SLC5A9: variants seen among roughly 807,000 people sequenced by gnomAD.
SLC5A9 encodes solute carrier family 5 member 9.
A neutral mutation model predicts 70.9 loss-of-function variants in SLC5A9; 59 were observed. The ratio of observed to expected loss-of-function variants is 0.83; its 90% CI spans 0.68 to 1.03. The LOEUF (loss-of-function observed/expected upper bound fraction) is 1.03, where lower values mean the gene tolerates loss of function less well. Ranked by LOEUF, SLC5A9 falls within the 50% of genes least tolerant of loss-of-function variation. SLC5A9 has a pLI of 0.00. For synonymous variants in SLC5A9, 340 were observed against 346.5 expected (o/e 0.98, Z 0.21); for missense variants, 832 against 881.1 (o/e 0.94, Z 0.71).
intron 5 of SLC5A9, among the ~76,000 whole-genome samples, chr1:48,231,040 A>C (rs139806261): frequency 3.3e-5 from 5 of 152,214 alleles, no homozygotes; most frequent in Middle Eastern, 3.4e-3. Context: ...AGAGAGGAGG[A>C]CTATGACCCA....
chr1:48,225,864 G>A (rs374109617), intron 2 of SLC5A9, among the ~76,000 whole-genome samples: 2 of 151,728 alleles, frequency 1.3e-5, no homozygotes, highest in Non-Finnish European at 2.9e-5. Context: ...ATACTTACAC[G>A]TGCACACTCA....
rs759358818 is a variant in SLC5A9, at chr1:48,224,815, C to T, written c.234+20C>T. On this transcript the variant is annotated intron_variant, in intron 2 of 13. Transcript: ENST00000438567. ...TGGCCAGTGAGTTGACCCTTCTCAA[C>T]CACCCCTAGTGCAGAGGCTCCCAAC... 2.5e-6 allele frequency: 4 copies of T among 1,612,600 alleles called. No homozygotes were observed. The highest frequency in any genetic ancestry group is 1.3e-5 in the African/African-American group (1 of 74,880).
chr1:48,229,551 C>T, intron 4 of SLC5A9, 92 bp downstream of exon 4: 3 of 1,548,160 alleles, frequency 1.9e-6, no homozygotes, highest in Non-Finnish European at 2.6e-6. Context: ...TGAGGGGAAG[C>T]TGACAATCAC....
rs1036799147 is a variant in SLC5A9, at chr1:48,248,178, C to G, written c.*635C>G. ...AGAAAGCTCTTAGACAATGGACTAT[C>G]CAAAGCACTATTTAAATTCTGCCTC... On this transcript the variant is annotated 3_prime_UTR_variant, in exon 14 of 14. Coordinates refer to ENST00000438567, the MANE Select transcript of SLC5A9 (RefSeq NM_001011547.3). 6.5e-6 allele frequency: 1 copy of G among 153,992 alleles called. No homozygotes were observed. The highest frequency in any genetic ancestry group is 2.4e-5 in the African/African-American group (1 of 41,448). The allele number at this position is 153,992 out of a possible 1,614,324, so 9.5% of individuals were successfully genotyped here. A position where few individuals can be genotyped will look rare whatever the true frequency, so the allele number is the denominator to read the frequency against.
At position 48,233,478 on chromosome 1, in the gene SLC5A9, G is replaced by A. The variant is rs74675913; in HGVS notation, c.1034-177G>A. Among the ~76,000 whole-genome samples, 411 of 150,396 alleles carry A rather than the reference G, an allele frequency of 2.7e-3. 3 individuals are homozygous for A. The highest frequency in any genetic ancestry group is 9.6e-3 in the African/African-American group (394 of 40,984). ...AGAAAAAATGTGAATCAGGTAATAA[G>A]TATACGGACGAGAAATTTACCAAAG... On this transcript the variant is annotated intron_variant, in intron 8 of 13. Transcript: ENST00000438567.
chr1:48,232,530 T>C, intron 8 of SLC5A9, 28 bp downstream of exon 8: 1 of 1,612,982 alleles, frequency 6.2e-7, no homozygotes, highest in Non-Finnish European at 8.5e-7. Flanking sequence ...TCTCTGGGTA[T>C]TGGGATCTGA....
At chr1:48,224,236 A>G (rs1644111951) in intron 1 of SLC5A9, among the ~76,000 whole-genome samples, 1 of 151,902 alleles carries the variant, frequency 6.6e-6, no homozygotes, top group South Asian at 2.1e-4. Flanking sequence ...GGGAAACTCC[A>G]AAACAGTACC....
intron 12 of SLC5A9, 90 bp from the exon 13 acceptor site, chr1:48,242,367 C>T: frequency 6.9e-7 from 1 of 1,454,948 alleles, no homozygotes. Flanking sequence ...TTTGCTTTTG[C>T]TCAGATGGCC....
chr1:48,238,903 C>T (rs1644360894), intron 11 of SLC5A9, among the ~76,000 whole-genome samples: 1 of 152,186 alleles, frequency 6.6e-6, no homozygotes, highest in Admixed American at 6.5e-5. Flanking sequence ...TTTATCATGA[C>T]AGAAGTTTGG....
rs767269585 is a variant in SLC5A9 at position 48,247,328 on chromosome 1, C to T, written c.1838-7C>T. Reference sequence around the variant, plus strand: ...CTCTCCTTTGTCTTCTGGCTTTGTCCCTCCAGCCCCAAGCAGGTCCTGGGG... The same window carrying T: ...CTCTCCTTTGTCTTCTGGCTTTGTCTCTCCAGCCCCAAGCAGGTCCTGGGG... On this transcript the variant is annotated splice_region_variant and splice_polypyrimidine_tract_variant and intron_variant, in intron 13 of 13. Coordinates refer to ENST00000438567, the MANE Select transcript of SLC5A9 (RefSeq NM_001011547.3). 1 of 1,613,000 alleles carries T rather than the reference C, an allele frequency of 6.2e-7. No individual in the cohort carries two copies. Among genetic ancestry groups the T allele is most frequent in the South Asian group, 1.1e-5 (1 of 91,034 alleles).
chr1:48,237,719 A>C lies in SLC5A9; in HGVS notation c.1333A>C (p.Ile445Leu), dbSNP rs534099478. The C allele has an allele frequency of 9.9e-6, 16 of 1,613,968 alleles. No individual in the cohort carries two copies. In the African/African-American group the frequency reaches 1.5e-4, roughly 15 times the overall value. ...CCTGGTTGTCATCAGCATCCTCTGG[A>C]TCCCCATCATCCAAAGCTCCAACAG... ...VFLVVISILWIPIIQSSNSGQ... is the reference protein window; with the variant it reads ...VFLVVISILWLPIIQSSNSGQ... The change falls in exon 11 of 14, where the codon ATC (isoleucine) becomes CTC (leucine). Residue 445 changes from isoleucine (I) to leucine (L), a missense_variant. Ile to Leu is a conservative substitution (Grantham distance 5). Coordinates refer to ENST00000438567, the MANE Select transcript of SLC5A9 (RefSeq NM_001011547.3).
Position 48,248,291 on chromosome 1 carries a change from T to C in SLC5A9, c.*748T>C, listed in dbSNP as rs1644481323. 6.6e-6 allele frequency: 1 copy of C among 152,342 alleles called. No homozygotes were observed. The highest frequency in any genetic ancestry group is 2.4e-5 in the African/African-American group (1 of 41,454). The allele number at this position is 152,342 out of a possible 1,614,324, so 9.4% of individuals were successfully genotyped here. A position where few individuals can be genotyped will look rare whatever the true frequency, so the allele number is the denominator to read the frequency against. ...CATGACTTGTTAAAACCTCAAGGAA[T>C]CAAGACATGTTACTCTGTATTTAAG... On this transcript the variant is annotated 3_prime_UTR_variant, in exon 14 of 14. Transcript: ENST00000438567.
chr1:48,227,639 A>G (rs11800306), intron 2 of SLC5A9, among the ~76,000 whole-genome samples: 1 of 151,542 alleles, frequency 6.6e-6, no homozygotes, highest in Non-Finnish European at 1.5e-5. Flanking sequence ...GTGTGTGTGT[A>G]CTGTGCCTGT....
chr1:48,237,715 C>G lies in SLC5A9; in HGVS notation c.1329C>G (p.Leu443=), dbSNP rs753613954. ...FVVFLVVISI[L]WIPIIQSSNS... is the part of the protein sequence containing the mutation. ...TGTTCCTGGTTGTCATCAGCATCCT[C>G]TGGATCCCCATCATCCAAAGCTCCA... Residue 443 remains leucine, a synonymous_variant, in exon 11 of 14, where the codon CTC becomes CTG. Transcript: ENST00000438567. 1.8e-5 allele frequency: 29 copies of G among 1,614,020 alleles called. No homozygotes were observed. The highest frequency in any genetic ancestry group is 2.2e-5 in the East Asian group (1 of 44,890).
At chr1:48,235,928 C>A (rs768502219) in intron 10 of SLC5A9, 49 bp downstream of exon 10, 2 of 1,610,536 alleles carry the variant, frequency 1.2e-6, no homozygotes, top group East Asian at 2.2e-5. Context: ...CTCCCCTCTG[C>A]CCTGCCCTGG....
intron 4 of SLC5A9, 82 bp downstream of exon 4, chr1:48,229,541 T>C: frequency 6.4e-7 from 1 of 1,563,124 alleles, no homozygotes; most frequent in Non-Finnish European, 8.7e-7. Context: ...TGCGTGTTGC[T>C]GAGGGGAAGC....
At position 48,228,859 on chromosome 1, in the gene SLC5A9, T is replaced by A; in HGVS notation, c.244T>A (p.Ser82Thr). The A allele has an allele frequency of 6.2e-7, 1 of 1,613,806 alleles. No individual in the cohort carries two copies. Among genetic ancestry groups the A allele is most frequent in the Non-Finnish European group, 8.5e-7 (1 of 1,179,916 alleles). Residue 82 changes from serine (S) to threonine (T), a missense_variant, in exon 3 of 14, where the codon TCT becomes ACT. By Grantham distance (58) the Ser-to-Thr change is moderately conservative. Transcript: ENST00000438567. ...RSMSWWPIGA[S>T]LMSSNVGSGL... The stretch of plus-strand genomic sequence containing the variant: ...CAACTGTGCCTTGCAGATTGGAGCA[T>A]CTCTGATGTCCAGCAATGTGGGCAG...
At chr1:48,244,718 A>C (rs1273079161) in intron 13 of SLC5A9, among the ~76,000 whole-genome samples, 1 of 131,852 alleles carries the variant, frequency 7.6e-6, no homozygotes, top group Non-Finnish European at 1.6e-5. Flanking sequence ...GCAAATATAT[A>C]TATATATAAA....
Position 48,242,743 on chromosome 1 carries a change from C to T in SLC5A9, c.1837+127C>T, listed in dbSNP as rs1330580616. ...AAATATCACCCTAACTCCTTTCCCACGTGGCTACTGAACTATTTGAAAAAT... is the reference window on the plus strand; with the variant it reads ...AAATATCACCCTAACTCCTTTCCCATGTGGCTACTGAACTATTTGAAAAAT... On this transcript the variant is annotated intron_variant, in intron 13 of 13. Transcript: ENST00000438567. 20 of 897,222 alleles carry T rather than the reference C, an allele frequency of 2.2e-5. No homozygotes were observed. In the Admixed American group the frequency reaches 3.6e-4, roughly 16 times the overall value. The allele number at this position is 897,222 out of a possible 1,614,324, so 55.6% of individuals were successfully genotyped here. A position where few individuals can be genotyped will look rare whatever the true frequency, so the allele number is the denominator to read the frequency against.
Sources: allele counts gnomAD v4.1 joint callset (sites outside exome capture counted in the v4.1 genomes callset), GRCh38; gene constraint gnomAD v4.1.1; transcripts MANE v1.5; gene names NCBI Gene and HGNC (gene_info 2026-07-23, HGNC 2026-07-21).